The following CSNK2A2IP variants were observed in gnomAD, a reference collection of about 807,000 sequenced individuals.
The protein encoded by CSNK2A2IP is casein kinase II subunit alpha'-interacting protein.
At chr3:88,462,270 G>C in the CSNK2A2IP span, among the ~76,000 whole-genome samples, 525 of 152,028 alleles carry the variant, frequency 3.5e-3, 2 homozygotes, top group Non-Finnish European at 6.2e-3. Context: ...AGAAATCTTT[G>C]CATGCTCCAA....
the CSNK2A2IP span, among the ~76,000 whole-genome samples, chr3:88,393,092 G>C: frequency 3.3e-5 from 5 of 152,200 alleles, no homozygotes; most frequent in African/African-American, 1.2e-4. Flanking sequence ...GATATCTTCT[G>C]TAGTGACAAT....
the CSNK2A2IP span, among the ~76,000 whole-genome samples, chr3:88,444,990 A>G: frequency 6.6e-6 from 1 of 152,066 alleles, no homozygotes; most frequent in Non-Finnish European, 1.5e-5. Flanking sequence ...CTTTGTGTAA[A>G]TGTTTGATCT....
chr3:88,353,137 A>G, the CSNK2A2IP span, among the ~76,000 whole-genome samples: 3 of 152,116 alleles, frequency 2.0e-5, no homozygotes, highest in Non-Finnish European at 4.4e-5. Flanking sequence ...AAAGTTACTC[A>G]GATGATTTAG....
At chr3:88,449,820 GACACACACACACACAC>G in the CSNK2A2IP span, among the ~76,000 whole-genome samples, 1 of 47,146 alleles carries the variant, frequency 2.1e-5, no homozygotes, top group South Asian at 1.1e-3. Context: ...TTTATATCGA[GACACACACACACACAC>G]ACACACACAC....
chr3:88,375,566 G>A, the CSNK2A2IP span, among the ~76,000 whole-genome samples: 1 of 151,714 alleles, frequency 6.6e-6, no homozygotes, highest in Non-Finnish European at 1.5e-5. Context: ...GGATCCCAGA[G>A]GAAAAGTGTT....
chr3:88,438,242 A>G, the CSNK2A2IP span, among the ~76,000 whole-genome samples: 3 of 152,092 alleles, frequency 2.0e-5, no homozygotes, highest in African/African-American at 7.2e-5. Context: ...TCATATTCCT[A>G]TTTGTTGGGG....
At chr3:88,376,000 T>G in the CSNK2A2IP span, among the ~76,000 whole-genome samples, 2 of 151,736 alleles carry the variant, frequency 1.3e-5, no homozygotes, top group East Asian at 1.9e-4. Flanking sequence ...AGATTTCAGC[T>G]TGTATTACCC....
the CSNK2A2IP span, among the ~76,000 whole-genome samples, chr3:88,419,831 CAT>C: frequency 6.6e-6 from 1 of 152,010 alleles, no homozygotes; most frequent in Non-Finnish European, 1.5e-5. Context: ...ATAAAACAAA[CAT>C]TATAAAAAAC....
the CSNK2A2IP span, among the ~76,000 whole-genome samples, chr3:88,392,603 A>T: frequency 1.3e-5 from 2 of 152,230 alleles, no homozygotes; most frequent in Non-Finnish European, 2.9e-5. Context: ...CAAAAATTAA[A>T]GTAAGGTACA....
At chr3:88,355,819 G>A in the CSNK2A2IP span, among the ~76,000 whole-genome samples, 1 of 152,076 alleles carries the variant, frequency 6.6e-6, no homozygotes. Flanking sequence ...TGGGCAAATG[G>A]TCTGTTTGCT....
the CSNK2A2IP span, among the ~76,000 whole-genome samples, chr3:88,354,385 C>CTATT: frequency 6.6e-6 from 1 of 152,136 alleles, no homozygotes; most frequent in Non-Finnish European, 1.5e-5. Flanking sequence ...ATTACTATTA[C>CTATT]TATTTTTTAA....
the CSNK2A2IP span, among the ~76,000 whole-genome samples, chr3:88,445,749 T>C: frequency 4.2e-4 from 64 of 152,036 alleles, no homozygotes; most frequent in Admixed American, 5.2e-4. Flanking sequence ...TTTGTAGGGA[T>C]GGGGTCTTGC....
the CSNK2A2IP span, among the ~76,000 whole-genome samples, chr3:88,385,339 A>G: frequency 6.6e-6 from 1 of 152,138 alleles, no homozygotes; most frequent in Non-Finnish European, 1.5e-5. Context: ...GTCATTATGT[A>G]AGAATAAAAC....
At chr3:88,461,508 A>G in the CSNK2A2IP span, among the ~76,000 whole-genome samples, 7 of 152,174 alleles carry the variant, frequency 4.6e-5, no homozygotes, top group African/African-American at 7.2e-5. Flanking sequence ...AGCCGAGATC[A>G]AGCCACTGCA....
At chr3:88,396,986 G>C in the CSNK2A2IP span, among the ~76,000 whole-genome samples, 1 of 152,160 alleles carries the variant, frequency 6.6e-6, no homozygotes, top group Non-Finnish European at 1.5e-5. Flanking sequence ...AAGGAAAAGG[G>C]AGGAGTTGAG....
At chr3:88,400,804 T>C in the CSNK2A2IP span, among the ~76,000 whole-genome samples, 1 of 152,206 alleles carries the variant, frequency 6.6e-6, no homozygotes, top group Non-Finnish European at 1.5e-5. Flanking sequence ...ATTTGTGTTA[T>C]CCTAAGACAC....
chr3:88,393,275 C>A, the CSNK2A2IP span, among the ~76,000 whole-genome samples: 2 of 152,206 alleles, frequency 1.3e-5, no homozygotes, highest in African/African-American at 4.8e-5. Flanking sequence ...AAGACTGTTA[C>A]ATTTTTTGAT....
At chr3:88,408,394 A>G in the CSNK2A2IP span, among the ~76,000 whole-genome samples, 1 of 152,048 alleles carries the variant, frequency 6.6e-6, no homozygotes, top group East Asian at 1.9e-4. Context: ...TTGTTGATAG[A>G]CTTTTTGTTA....
chr3:88,440,994 C>T, the CSNK2A2IP span, among the ~76,000 whole-genome samples: 1 of 152,142 alleles, frequency 6.6e-6, no homozygotes, highest in Admixed American at 6.5e-5. Context: ...GAAACTTTGG[C>T]TGCCTCATTT....
Sources: allele counts gnomAD v4.1 joint callset (sites outside exome capture counted in the v4.1 genomes callset), GRCh38; gene constraint gnomAD v4.1.1; transcripts MANE v1.5; gene names NCBI Gene and HGNC (gene_info 2026-07-23, HGNC 2026-07-21).